The following ARHGAP32 variants were observed in gnomAD, a reference collection of about 807,000 sequenced individuals.
The protein encoded by ARHGAP32 is rho GTPase-activating protein 32.
In ARHGAP32, 51 loss-of-function variants were observed where a neutral mutation model predicts 186.5. That is an observed-to-expected ratio of 0.27 (90% CI 0.22 to 0.35). ARHGAP32 has a LOEUF of 0.35. ARHGAP32 is among the 10% of genes least tolerant of loss of function. ARHGAP32 has a pLI of 1.00. For synonymous variants in ARHGAP32, 950 were observed against 964.3 expected, an observed-to-expected ratio of 0.99 and a Z score of 0.27; for missense variants, 2,186 against 2,623.5, an observed-to-expected ratio of 0.83 and a Z score of 3.64.
intron 2 of ARHGAP32, among the ~76,000 whole-genome samples, chr11:129,159,997 A>G (rs1943496038): frequency 6.6e-6 from 1 of 152,214 alleles, no homozygotes; most frequent in Admixed American, 6.5e-5. Context: ...AACTAATGAC[A>G]AAAACCACAA....
chr11:129,125,939 T>A (rs898807815), intron 2 of ARHGAP32: 3 of 438,602 alleles, frequency 6.8e-6, no homozygotes, highest in Admixed American at 2.7e-5. Flanking sequence ...GAAACAGAAC[T>A]CATTCCATCT....
At chr11:129,109,648 G>C (rs1041201849) in intron 5 of ARHGAP32, among the ~76,000 whole-genome samples, 1 of 151,924 alleles carries the variant, frequency 6.6e-6, no homozygotes, top group African/African-American at 2.4e-5. Flanking sequence ...CTCATTGTGG[G>C]TTTTGATTTG....
intron 2 of ARHGAP32, among the ~76,000 whole-genome samples, chr11:129,144,091 T>G (rs1311703855): frequency 6.6e-6 from 1 of 152,194 alleles, no homozygotes; most frequent in Non-Finnish European, 1.5e-5. Flanking sequence ...CACAAGGAAT[T>G]CAAATAACTG....
At chr11:129,025,048 A>G (rs1348110338) in intron 11 of ARHGAP32, among the ~76,000 whole-genome samples, 1 of 152,206 alleles carries the variant, frequency 6.6e-6, no homozygotes, top group Admixed American at 6.5e-5. Flanking sequence ...ATATTAATGT[A>G]AATTCTACCC....
chr11:128,978,751 G>GA lies in ARHGAP32; in HGVS notation c.2122+18dup. The GA allele has an allele frequency of 3.8e-6, 6 of 1,590,092 alleles. No homozygotes were observed. The highest frequency in any genetic ancestry group is 5.1e-6 in the Non-Finnish European group (6 of 1,172,354). On this transcript the variant is annotated intron_variant, in intron 19 of 22. Transcript: ENST00000682385. ...ACCATCATGACAGCAGCAGAAGTGA[G>GA]AATCTCCCAGGCACTCACCTTTCAG...
chr11:129,179,911 T>C (rs1442963126), intron 1 of ARHGAP32, among the ~76,000 whole-genome samples: 1 of 152,036 alleles, frequency 6.6e-6, no homozygotes, highest in Non-Finnish European at 1.5e-5. Flanking sequence ...AACCTGCACA[T>C]TGTGCACATG....
At chr11:129,048,883 A>AG (rs1939922917) in intron 10 of ARHGAP32, among the ~76,000 whole-genome samples, 1 of 152,180 alleles carries the variant, frequency 6.6e-6, no homozygotes, top group African/African-American at 2.4e-5. Flanking sequence ...AAAGACACAT[A>AG]GAAAAAAAAG....
At chr11:129,261,810 T>C (rs1471157255) in intron 1 of ARHGAP32, among the ~76,000 whole-genome samples, 3 of 152,218 alleles carry the variant, frequency 2.0e-5, no homozygotes, top group African/African-American at 7.2e-5. Context: ...CCTATATTAA[T>C]GGTGCAACTG....
At chr11:129,037,170 C>CT (rs552786992) in intron 11 of ARHGAP32, among the ~76,000 whole-genome samples, 277 of 152,230 alleles carry the variant, frequency 1.8e-3, no homozygotes, top group African/African-American at 6.5e-3. Context: ...AACTTATACT[C>CT]TGAAAACTAC....
At chr11:129,128,073 C>T (rs542755976) in intron 2 of ARHGAP32, among the ~76,000 whole-genome samples, 1 of 152,298 alleles carries the variant, frequency 6.6e-6, no homozygotes, top group African/African-American at 2.4e-5. Context: ...TATAATTCAA[C>T]ATGTTCATTA....
rs915474081 is a variant in ARHGAP32 at position 129,269,717 on chromosome 11, T to TA, written c.-5+9428dup. Reference sequence around the variant, plus strand: ...GGGTGACAGAGTAAAACCCTGTCTCTAAAAAAAATTAAAAATAAGTCATTT... The same window carrying TA: ...GGGTGACAGAGTAAAACCCTGTCTCTAAAAAAAAATTAAAAATAAGTCATTT... On this transcript the variant is annotated intron_variant, in intron 1 of 6. Transcript: ENST00000525234. 5.3e-4 allele frequency among the ~76,000 whole-genome samples: 80 copies of TA among 152,046 alleles called. 1 individual carries two copies. Among genetic ancestry groups the TA allele is most frequent in the African/African-American group, 1.7e-3 (70 of 41,492 alleles).
chr11:129,223,960 G>C (rs1471238249), intron 1 of ARHGAP32, among the ~76,000 whole-genome samples: 2 of 152,170 alleles, frequency 1.3e-5, no homozygotes, highest in Non-Finnish European at 2.9e-5. Context: ...CGTCAGGGTG[G>C]AAATAAAAAG....
At position 129,126,453 on chromosome 11, in the gene ARHGAP32, A is replaced by G. The variant is rs534482901; in HGVS notation, c.226-1559T>C. Among the ~76,000 whole-genome samples the G allele has an allele frequency of 2.2e-3, 337 of 152,366 alleles. 4 individuals are homozygous for G. The highest frequency in any genetic ancestry group is 3.0e-3 in the Non-Finnish European group (204 of 68,026). On this transcript the variant is annotated intron_variant, in intron 2 of 22. Coordinates refer to ENST00000682385, the MANE Select transcript of ARHGAP32 (RefSeq NM_001378024.1). The stretch of plus-strand genomic sequence containing the variant: ...CTGCCTCATCTTCAAGAAGGTATTT[A>G]AAAAGCTTGGAGACACCATCTTTCT...
intron 11 of ARHGAP32, among the ~76,000 whole-genome samples, chr11:129,029,814 A>AAC (rs1332557353): frequency 1.3e-5 from 2 of 150,336 alleles, no homozygotes; most frequent in Non-Finnish European, 3.0e-5. Context: ...AAAAAAAAAA[A>AAC]AAAAAAAAAA....
chr11:129,047,600 TG>T (rs1359427445), intron 10 of ARHGAP32, among the ~76,000 whole-genome samples: 1 of 152,074 alleles, frequency 6.6e-6, no homozygotes, highest in African/African-American at 2.4e-5. Context: ...CATACTTGCA[TG>T]TCTGTGTACT....
chr11:129,129,877 G>C (rs1249526350), intron 2 of ARHGAP32, among the ~76,000 whole-genome samples: 1 of 152,096 alleles, frequency 6.6e-6, no homozygotes, highest in African/African-American at 2.4e-5. Flanking sequence ...ATTAACAAAA[G>C]AGTTGAACAT....
At chr11:129,167,937 T>A (rs1388014653) in intron 1 of ARHGAP32, among the ~76,000 whole-genome samples, 2 of 152,108 alleles carry the variant, frequency 1.3e-5, no homozygotes, top group African/African-American at 4.8e-5. Flanking sequence ...ACAAAGACTA[T>A]AAGCAGGGAT....
chr11:128,969,707 C>CG lies in ARHGAP32; in HGVS notation c.5505dup (p.Glu1836ArgfsTer8). On this transcript the variant is annotated frameshift_variant, in exon 23 of 23. Transcript: ENST00000682385. LOFTEE classifies it high-confidence loss of function. This position sits in a 1 kb window ranked among gnomAD's most constrained non-coding sequence, Gnocchi z 4.8. ...CTCCTATAGAAGCGGTCCTCTCCCT[C>CG]GGGACTGATGGCCTTGGCTGCATGG... 6.2e-7 allele frequency: 1 copy of CG among 1,614,214 alleles called. No individual in the cohort carries two copies. Among genetic ancestry groups the CG allele is most frequent in the Non-Finnish European group, 8.5e-7 (1 of 1,180,040 alleles).
intron 10 of ARHGAP32, among the ~76,000 whole-genome samples, chr11:129,044,754 T>C (rs1939739701): frequency 1.3e-5 from 2 of 152,192 alleles, no homozygotes; most frequent in South Asian, 2.1e-4. Context: ...TACTAGGTTC[T>C]GTGATCTATG....
Sources: allele counts gnomAD v4.1 joint callset (sites outside exome capture counted in the v4.1 genomes callset), GRCh38; gene constraint gnomAD v4.1.1; non-coding constraint Gnocchi (gnomAD v3.1); transcripts MANE v1.5; gene names NCBI Gene and HGNC (gene_info 2026-07-23, HGNC 2026-07-21).